Variants in GATAD2A observed in about 807,000 individuals in gnomAD.
The protein encoded by GATAD2A is GATA zinc finger domain containing 2A, also known as transcriptional repressor p66-alpha.
GATAD2A carries 12 observed loss-of-function variants against 68.5 expected under a neutral mutation model. That is an observed-to-expected ratio of 0.18 (90% CI 0.11 to 0.28). GATAD2A has a LOEUF of 0.28. Among genes scored for constraint, GATAD2A ranks in the 10% least tolerant of loss-of-function variants. The pLI, the probability that GATAD2A is intolerant of heterozygous loss-of-function variation, is 1.00. For missense variants in GATAD2A, 755 were observed against 868.5 expected, an observed-to-expected ratio of 0.87 and a Z score of 1.64; for synonymous variants, 410 against 375.3, an observed-to-expected ratio of 1.09 and a Z score of -1.07.
intron 1 of GATAD2A, among the ~76,000 whole-genome samples, chr19:19,418,624 A>C (rs1173674775): frequency 6.6e-6 from 1 of 152,140 alleles, no homozygotes; most frequent in Admixed American, 6.5e-5. Context: ...GAGGTTTTGG[A>C]CACTTTTCCA....
chr19:19,437,920 GTTC>G (rs1462815201), intron 1 of GATAD2A, among the ~76,000 whole-genome samples: 1 of 152,130 alleles, frequency 6.6e-6, no homozygotes, highest in Non-Finnish European at 1.5e-5. Context: ...CCTGTGTTGC[GTTC>G]TTCTTAGTAT....
chr19:19,473,481 G>C (rs1208440885), intron 2 of GATAD2A, among the ~76,000 whole-genome samples: 1 of 152,186 alleles, frequency 6.6e-6, no homozygotes, highest in Non-Finnish European at 1.5e-5. Flanking sequence ...ATGACAATTA[G>C]AATCATTGCC....
chr19:19,466,787 C>G (rs1199895007), intron 2 of GATAD2A, among the ~76,000 whole-genome samples: 1 of 152,198 alleles, frequency 6.6e-6, no homozygotes, highest in Non-Finnish European at 1.5e-5. Context: ...ATTCTAAAAC[C>G]AAGGTCCTCT....
intron 1 of GATAD2A, among the ~76,000 whole-genome samples, chr19:19,419,705 G>A (rs577191961): frequency 3.3e-5 from 5 of 151,988 alleles, no homozygotes; most frequent in African/African-American, 1.2e-4. Context: ...TAGTAGAGAT[G>A]GGGTTTTGCC....
chr19:19,485,714 A>G (rs911047601), intron 2 of GATAD2A, among the ~76,000 whole-genome samples: 3 of 152,180 alleles, frequency 2.0e-5, no homozygotes, highest in African/African-American at 7.2e-5. Context: ...GGCTATGAGT[A>G]GATGCAGCCA....
intron 2 of GATAD2A, among the ~76,000 whole-genome samples, chr19:19,478,569 C>T (rs558586861): frequency 1.3e-5 from 2 of 151,462 alleles, no homozygotes; most frequent in South Asian, 2.1e-4. Flanking sequence ...ACTCCAGCCT[C>T]GGCGACAGAG....
intron 8 of GATAD2A, among the ~76,000 whole-genome samples, chr19:19,500,466 G>A (rs1252263261): frequency 6.6e-6 from 1 of 151,754 alleles, no homozygotes; most frequent in South Asian, 2.1e-4. Context: ...AAAAAAGGTC[G>A]GCACAAATAC....
intron 2 of GATAD2A, among the ~76,000 whole-genome samples, chr19:19,470,985 G>A (rs908020176): frequency 6.6e-6 from 1 of 152,212 alleles, no homozygotes; most frequent in South Asian, 2.1e-4. Flanking sequence ...GCCAGGCACA[G>A]TGGCTCACGC....
chr19:19,405,804 T>G lies in GATAD2A; in HGVS notation c.-222T>G, dbSNP rs2050156092. 3 of 148,998 alleles carry G rather than the reference T, an allele frequency of 2.0e-5. No individual in the cohort carries two copies. Among genetic ancestry groups the G allele is most frequent in the South Asian group, 4.2e-4 (2 of 4,746 alleles). 9.2% of individuals were successfully genotyped at this position (148,998 alleles called of 1,614,324 possible). A position where few individuals can be genotyped will look rare whatever the true frequency, so the allele number is the denominator to read the frequency against. On this transcript the variant is annotated 5_prime_UTR_variant, in exon 1 of 12. The change abolishes an upstream ATG in the 5' untranslated region. Transcript: ENST00000683918. ...GCGGTGACGCCGGCGCCGGGCTCCA[T>G]GTGTGCGGCCGAGGGGCGCATTATC...
chr19:19,489,751 C>G (rs1340207139), intron 2 of GATAD2A, among the ~76,000 whole-genome samples: 3 of 152,244 alleles, frequency 2.0e-5, no homozygotes, highest in African/African-American at 7.2e-5. Context: ...TCCCTTAGAG[C>G]TTGGCTGTCA....
intron 4 of GATAD2A, among the ~76,000 whole-genome samples, chr19:19,493,685 C>G (rs1187971408): frequency 6.6e-6 from 1 of 152,186 alleles, no homozygotes; most frequent in Admixed American, 6.5e-5. Context: ...AGGACTCTCT[C>G]TGCTCTGGCT....
intron 1 of GATAD2A, among the ~76,000 whole-genome samples, chr19:19,435,929 A>G (rs898229037): frequency 1.3e-5 from 2 of 152,148 alleles, no homozygotes; most frequent in Non-Finnish European, 2.9e-5. Flanking sequence ...ATTGGTTAGC[A>G]CTGTATTGTT....
chr19:19,488,320 C>T (rs1183490850), intron 2 of GATAD2A, among the ~76,000 whole-genome samples: 1 of 152,190 alleles, frequency 6.6e-6, no homozygotes, highest in Non-Finnish European at 1.5e-5. Context: ...TCCAGGGGTT[C>T]CTCCCCACTG....
In GATAD2A at chr19:19,415,380, C is replaced by G. The variant is rs946290876; in HGVS notation, c.-7+9361C>G. ...ATGTTGGTCAGGCTGGTCTTGAACT[C>G]GCGACTTCAGGTGATCTGCCCGCTT... On this transcript the variant is annotated intron_variant, in intron 1 of 11. Transcript: ENST00000683918. Among the ~76,000 whole-genome samples the G allele has an allele frequency of 5.3e-5, 8 of 151,602 alleles. 1 individual carries two copies. The highest frequency in any genetic ancestry group is 6.6e-5 in the Admixed American group (1 of 15,218).
chr19:19,416,174 T>G (rs1190702544), intron 1 of GATAD2A, among the ~76,000 whole-genome samples: 1 of 152,170 alleles, frequency 6.6e-6, no homozygotes, highest in East Asian at 1.9e-4. Context: ...GGTGACCATT[T>G]AAAGATACAA....
At position 19,498,529 on chromosome 19, in the gene GATAD2A, T is replaced by C. The variant is rs769064807; in HGVS notation, c.1011T>C (p.Ser337=). 2.5e-6 allele frequency: 4 copies of C among 1,613,872 alleles called. No individual in the cohort carries two copies. In the South Asian group the frequency reaches 3.3e-5, roughly 13 times the overall value. ...TPTSVASVVT[S]AESPASRQAA... is the part of the protein sequence containing the mutation. ...CTAGTGTGGCCTCTGTGGTCACCTC[T>C]GCCGAGTCTCCAGCAAGCCGACAGG... The change falls in exon 8 of 12, where the codon TCT becomes TCC. Residue 337 remains serine (S), a synonymous_variant. Coordinates refer to ENST00000683918, the MANE Select transcript of GATAD2A (RefSeq NM_001384528.1).
intron 1 of GATAD2A, among the ~76,000 whole-genome samples, chr19:19,414,530 C>CTTTTT (rs758728889): frequency 8.4e-3 from 590 of 70,198 alleles, no homozygotes; most frequent in Non-Finnish European, 0.011. Flanking sequence ...AGGGCCTTGT[C>CTTTTT]TTTTTTTTTT....
chr19:19,473,293 C>CT (rs1456274899), intron 2 of GATAD2A, among the ~76,000 whole-genome samples: 3 of 152,178 alleles, frequency 2.0e-5, no homozygotes, highest in Admixed American at 2.0e-4. Context: ...TCCTTGGCCA[C>CT]TTTGGGGCTC....
chr19:19,489,728 A>G (rs2059660088), intron 2 of GATAD2A, among the ~76,000 whole-genome samples: 1 of 152,258 alleles, frequency 6.6e-6, no homozygotes, highest in Admixed American at 6.5e-5. Flanking sequence ...ATAAGATGAT[A>G]AGAAGGGTTA....
Sources: gnomAD v4.1 joint callset for allele counts (sites outside exome capture counted in the v4.1 genomes callset) on GRCh38, gnomAD v4.1.1 for gene constraint, MANE v1.5 for transcripts, NCBI Gene and HGNC (gene_info 2026-07-23, HGNC 2026-07-21) for gene names.